The following MSH4 variants were observed in gnomAD, a reference collection of about 807,000 sequenced individuals.
MSH4 encodes mutS protein homolog 4.
A neutral mutation model predicts 113.7 loss-of-function variants in MSH4; 106 were observed. The ratio of observed to expected loss-of-function variants is 0.93; its 90% confidence interval spans 0.80 to 1.10. The LOEUF (loss-of-function observed/expected upper bound fraction) is 1.10. MSH4 is among the 50% of genes least tolerant of loss of function. The probability of loss-of-function intolerance (pLI) is 0.00; values close to 1 mark genes in which losing one functional copy is unlikely to be tolerated. For synonymous variants in MSH4, 368 were observed against 380.2 expected (o/e 0.97, Z 0.37); for missense variants, 1,061 against 1,093.7 (o/e 0.97, Z 0.42).
At chr1:75,897,787 C>G in intron 17 of MSH4, 120 bp from the exon 18 acceptor site, 1 of 515,024 alleles carries the variant, frequency 1.9e-6, no homozygotes, top group South Asian at 7.1e-5. Flanking sequence ...TAGTTTTATT[C>G]CTACATCTCT....
intron 8 of MSH4, among the ~76,000 whole-genome samples, chr1:75,849,085 C>T (rs1651135411): frequency 6.6e-6 from 1 of 152,040 alleles, no homozygotes; most frequent in Admixed American, 6.6e-5. Flanking sequence ...GCATGCACTA[C>T]CATGCCTGGC....
chr1:75,841,620 A>G (rs1238025048), intron 7 of MSH4, among the ~76,000 whole-genome samples: 1 of 152,278 alleles, frequency 6.6e-6, no homozygotes, highest in East Asian at 1.9e-4. Flanking sequence ...GGGCCTTTTT[A>G]TAATGCTAAG....
At chr1:75,877,155 T>G (rs1488173035) in intron 10 of MSH4, among the ~76,000 whole-genome samples, 155 bp downstream of exon 10, 1 of 152,048 alleles carries the variant, frequency 6.6e-6, no homozygotes, top group Admixed American at 6.5e-5. Flanking sequence ...AATTGTACAT[T>G]TCACATTATA....
At chr1:75,826,956 A>G (rs145337789) in intron 7 of MSH4, among the ~76,000 whole-genome samples, 3 of 152,260 alleles carry the variant, frequency 2.0e-5, no homozygotes, top group Non-Finnish European at 2.9e-5. Flanking sequence ...AGAGAGTTCT[A>G]TAGATGTCTA....
At chr1:75,877,233 C>T (rs1399507862) in intron 10 of MSH4, among the ~76,000 whole-genome samples, 1 of 152,038 alleles carries the variant, frequency 6.6e-6, no homozygotes, top group African/African-American at 2.4e-5. Context: ...AGCATGAAAA[C>T]TTGAAATCCA....
intron 7 of MSH4, among the ~76,000 whole-genome samples, chr1:75,829,221 G>A (rs1323025219): frequency 6.6e-6 from 1 of 152,188 alleles, no homozygotes; most frequent in African/African-American, 2.4e-5. Flanking sequence ...CTGCAAGGTG[G>A]CAGCGAGGCT....
intron 17 of MSH4, 133 bp from the exon 18 acceptor site, chr1:75,897,774 T>C: frequency 2.2e-6 from 1 of 458,208 alleles, no homozygotes; most frequent in Non-Finnish European, 3.8e-6. Context: ...GCCTCCAAAT[T>C]ATTAGTTTTA....
At chr1:75,889,185 C>T (rs1057414379) in intron 15 of MSH4, 66 bp from the exon 16 acceptor site, 1 of 783,296 alleles carries the variant, frequency 1.3e-6, no homozygotes. Context: ...CTGAGAAGTA[C>T]AAAATGTTAT....
intron 14 of MSH4, 73 bp from the exon 15 acceptor site, chr1:75,883,548 A>G (rs1651980676): frequency 8.4e-7 from 1 of 1,185,636 alleles, no homozygotes; most frequent in African/African-American, 1.5e-5. Flanking sequence ...GATATAGACA[A>G]TACATACACA....
intron 7 of MSH4, among the ~76,000 whole-genome samples, chr1:75,838,431 A>G (rs2100537400): frequency 6.6e-6 from 1 of 152,292 alleles, no homozygotes; most frequent in East Asian, 1.9e-4. Context: ...CCTTAATTTA[A>G]TCCCAACTAG....
intron 8 of MSH4, among the ~76,000 whole-genome samples, chr1:75,857,093 G>A (rs1448628793): frequency 6.6e-6 from 1 of 152,160 alleles, no homozygotes; most frequent in African/African-American, 2.4e-5. Context: ...CTTCTTTTGA[G>A]AATTGTCTGT....
At position 75,896,477 on chromosome 1, in the gene MSH4, T is replaced by C. The variant is rs371276459; in HGVS notation, c.2356-1430T>C. 5.9e-4 allele frequency among the ~76,000 whole-genome samples: 90 copies of C among 151,960 alleles called. 2 individuals carry two copies. The highest frequency in any genetic ancestry group is 2.1e-3 in the African/African-American group (85 of 41,448). On this transcript the variant is annotated intron_variant, in intron 17 of 19. Transcript: ENST00000263187. ...TTAATTTTTTTTTGAGATGGAGTTT[T>C]ACTCTTTTTGCCCAGGCTGGAGTGC...
rs1370006457 is a variant in MSH4 at position 75,797,191 on chromosome 1, G to A, written c.206G>A (p.Ser69Asn). 4 of 1,607,888 alleles carry A rather than the reference G, an allele frequency of 2.5e-6. No individual in the cohort carries two copies. Among genetic ancestry groups the A allele is most frequent in the Admixed American group, 1.7e-5 (1 of 58,910 alleles). The stretch of plus-strand genomic sequence containing the variant: ...GGCGACCGGAGCAGCAGCAGCAGCA[G>A]CCTTCCCTGCCCCGCGCCAAACTCC... ...AAGDRSSSSS[S>N]LPCPAPNSRP... The change falls in exon 1 of 20, where the codon AGC (serine) becomes AAC (asparagine). Residue 69 changes from serine (S) to asparagine (N), a missense_variant. Physicochemically the swap from Ser to Asn is conservative, Grantham distance 46. Transcript: ENST00000263187.
chr1:75,894,164 G>A (rs1277812064), intron 17 of MSH4, among the ~76,000 whole-genome samples: 3 of 152,146 alleles, frequency 2.0e-5, no homozygotes, highest in Non-Finnish European at 4.4e-5. Flanking sequence ...TTTACTGCAG[G>A]CACTGAATTG....
intron 11 of MSH4, 82 bp from the exon 12 acceptor site, chr1:75,878,910 G>T: frequency 8.6e-7 from 1 of 1,169,036 alleles, no homozygotes; most frequent in Non-Finnish European, 1.2e-6. Flanking sequence ...AAAACCATGT[G>T]ACTCTTTAAA....
chr1:75,898,765 C>A (rs1652439846), intron 18 of MSH4, among the ~76,000 whole-genome samples: 1 of 152,024 alleles, frequency 6.6e-6, no homozygotes. Flanking sequence ...TTGGTCTGTA[C>A]ATACAAGTTT....
At chr1:75,907,477 G>T (rs1652685127) in intron 19 of MSH4, among the ~76,000 whole-genome samples, 1 of 151,500 alleles carries the variant, frequency 6.6e-6, no homozygotes, top group Non-Finnish European at 1.5e-5. Flanking sequence ...TATATCATTT[G>T]GCTTGTCTTA....
chr1:75,852,855 G>A (rs774379787), intron 8 of MSH4, among the ~76,000 whole-genome samples: 3 of 151,790 alleles, frequency 2.0e-5, no homozygotes, highest in African/African-American at 4.8e-5. Context: ...GTTAATCCCC[G>A]ATCAAAAAAA....
chr1:75,825,500 G>A (rs2100524158), intron 7 of MSH4, among the ~76,000 whole-genome samples: 2 of 152,230 alleles, frequency 1.3e-5, no homozygotes, highest in East Asian at 3.9e-4. Flanking sequence ...CCAATACTAT[G>A]TTGAATAGGA....
Sources: allele counts gnomAD v4.1 joint callset (sites outside exome capture counted in the v4.1 genomes callset), GRCh38; gene constraint gnomAD v4.1.1; transcripts MANE v1.5; gene names NCBI Gene and HGNC (gene_info 2026-07-23, HGNC 2026-07-21).